The following B4GALNT2 variants were observed in gnomAD, a reference collection of about 807,000 sequenced individuals.
The protein encoded by B4GALNT2 is N-acetylneuraminylgalactosylglucosyl-glucoside beta-1,4-N- acetylgalactosaminyltransferase 2.
Under a neutral mutation model 51.1 loss-of-function variants are expected in B4GALNT2, and 42 were observed. The ratio of observed to expected loss-of-function variants is 0.82; its 90% confidence interval spans 0.64 to 1.06. The LOEUF (loss-of-function observed/expected upper bound fraction) is 1.06, where lower values mean the gene tolerates loss of function less well. B4GALNT2 is among the 50% of genes least tolerant of loss of function. B4GALNT2 has a pLI of 0.00. For synonymous variants in B4GALNT2, 253 were observed against 251.7 expected, an observed-to-expected ratio of 1.01 and a Z score of -0.05; for missense variants, 602 against 633.6, an observed-to-expected ratio of 0.95 and a Z score of 0.54.
the B4GALNT2 span, among the ~76,000 whole-genome samples, chr17:49,126,508 AAAAAC>A: frequency 6.6e-6 from 1 of 151,130 alleles, no homozygotes; most frequent in Non-Finnish European, 1.5e-5. Flanking sequence ...AAAAAAAAAA[AAAAAC>A]AAACTCCGTG....
chr17:49,156,499 C>A (rs1465652585), intron 4 of B4GALNT2, 67 bp from the exon 5 acceptor site: 1 of 1,558,638 alleles, frequency 6.4e-7, no homozygotes, highest in African/African-American at 1.4e-5. Flanking sequence ...ATGAGGTTGG[C>A]GAGAGCAGCG....
At position 49,136,647 on chromosome 17, in the gene B4GALNT2, A is replaced by C. The variant is rs550346902; in HGVS notation, c.14+3841A>C. Among the ~76,000 whole-genome samples the C allele has an allele frequency of 5.3e-5, 8 of 152,056 alleles. No individual in the cohort carries two copies. The South Asian group carries it at 8.3e-4, about 16-fold the overall frequency. On this transcript the variant is annotated intron_variant, in intron 1 of 10. Transcript: ENST00000393354. ...CTGCAACCTCCACCTCCTGGGTTCA[A>C]GTGATTCTTATATCTCAGCCTTCCA... is the stretch of plus-strand genomic sequence containing the variant.
At chr17:49,134,644 G>C (rs1216962427) in intron 1 of B4GALNT2, among the ~76,000 whole-genome samples, 1 of 152,156 alleles carries the variant, frequency 6.6e-6, no homozygotes, top group Non-Finnish European at 1.5e-5. Context: ...CTGGAGTGCA[G>C]TGGCGCAATC....
At chr17:49,125,601 G>C in the B4GALNT2 span, among the ~76,000 whole-genome samples, 1 of 150,752 alleles carries the variant, frequency 6.6e-6, no homozygotes, top group African/African-American at 2.4e-5. Flanking sequence ...CTGCCCGGCT[G>C]CCCGTCGTCT....
chr17:49,152,155 T>A (rs1041068558), intron 3 of B4GALNT2, among the ~76,000 whole-genome samples: 1 of 152,116 alleles, frequency 6.6e-6, no homozygotes, highest in Non-Finnish European at 1.5e-5. Flanking sequence ...GGCAGGAGGA[T>A]TGCTTGAGCC....
At chr17:49,168,633 T>C (rs763632003) in intron 9 of B4GALNT2, 48 bp from the exon 10 acceptor site, 3 of 1,548,094 alleles carry the variant, frequency 1.9e-6, no homozygotes, top group South Asian at 2.3e-5. Flanking sequence ...AGAGGCAGGA[T>C]GAATATTGAT....
chr17:49,135,767 A>T (rs1170918730), intron 1 of B4GALNT2, among the ~76,000 whole-genome samples: 1 of 151,292 alleles, frequency 6.6e-6, no homozygotes, highest in Non-Finnish European at 1.5e-5. Context: ...CCTGGCTCTA[A>T]AAAAGGAAAA....
upstream of B4GALNT2, among the ~76,000 whole-genome samples, chr17:49,127,652 C>T (rs985936186): frequency 7.2e-5 from 11 of 152,052 alleles, no homozygotes; most frequent in African/African-American, 2.4e-4. Flanking sequence ...AAAAAAATTT[C>T]CCTATTGGAT....
At chr17:49,149,991 A>C (rs62079772) in intron 3 of B4GALNT2, among the ~76,000 whole-genome samples, 1 of 151,664 alleles carries the variant, frequency 6.6e-6, no homozygotes, top group Non-Finnish European at 1.5e-5. Context: ...AGTATGTTCC[A>C]TATGTTCATT....
At position 49,176,228 on chromosome 17, in the gene B4GALNT2, C is replaced by A. The variant is rs1213353706; in HGVS notation, c.*6500C>A. On this transcript the variant is annotated 3_prime_UTR_variant, in exon 11 of 11. Coordinates refer to ENST00000393354, the MANE Select transcript of B4GALNT2 (RefSeq NM_001159387.2). ...GCCGACACCAGCTCGGTCTTGGAGA[C>A]CCTAACCCAGCGGCGCTAGAGGAAT... 6.6e-6 allele frequency: 1 copy of A among 152,338 alleles called. No individual in the cohort carries two copies. Among genetic ancestry groups the A allele is most frequent in the East Asian group, 1.9e-4 (1 of 5,188 alleles). The allele number at this position is 152,338 out of a possible 1,614,324, so 9.4% of individuals were successfully genotyped here.
chr17:49,148,144 A>C (rs2042713830), intron 3 of B4GALNT2, among the ~76,000 whole-genome samples: 1 of 151,876 alleles, frequency 6.6e-6, no homozygotes, highest in South Asian at 2.1e-4. Flanking sequence ...TACTAAAAAT[A>C]CAAAAATTAG....
At chr17:49,168,658 G>C (rs1598218595) in intron 9 of B4GALNT2, 23 bp from the exon 10 acceptor site, 1 of 1,607,480 alleles carries the variant, frequency 6.2e-7, no homozygotes, top group Non-Finnish European at 8.5e-7. Flanking sequence ...ACTCTAACAT[G>C]GATTTCTCTG....
At chr17:49,156,709 A>T in intron 5 of B4GALNT2, 106 bp downstream of exon 5, 1 of 1,305,364 alleles carries the variant, frequency 7.7e-7, no homozygotes, top group South Asian at 1.3e-5. Flanking sequence ...ATTCAAGGTC[A>T]GACATGAGCC....
At chr17:49,120,478 GTGTGTC>G in the B4GALNT2 span, among the ~76,000 whole-genome samples, 433 of 84,824 alleles carry the variant, frequency 5.1e-3, no homozygotes, top group South Asian at 0.01. Flanking sequence ...GTGTGTGTGT[GTGTGTC>G]TGTGTGTGTG....
chr17:49,143,693 T>C (rs1176688066), intron 3 of B4GALNT2, among the ~76,000 whole-genome samples: 1 of 152,158 alleles, frequency 6.6e-6, no homozygotes, highest in Non-Finnish European at 1.5e-5. Context: ...AAAAGGTAAG[T>C]TTATTTAGCT....
intron 3 of B4GALNT2, among the ~76,000 whole-genome samples, chr17:49,143,773 T>C (rs943991672): frequency 6.6e-6 from 1 of 152,222 alleles, no homozygotes; most frequent in African/African-American, 2.4e-5. Flanking sequence ...TGCTACATCA[T>C]AACATGGTGG....
intron 8 of B4GALNT2, 26 bp from the exon 9 acceptor site, chr17:49,166,088 C>T (rs2144340270): frequency 6.2e-7 from 1 of 1,607,278 alleles, no homozygotes; most frequent in East Asian, 2.2e-5. Context: ...TGGGCAACCA[C>T]TCCTTTAACC....
chr17:49,150,216 CCCGG>C (rs1450432695), intron 3 of B4GALNT2, among the ~76,000 whole-genome samples: 1 of 123,756 alleles, frequency 8.1e-6, no homozygotes, highest in Non-Finnish European at 1.7e-5. Context: ...CAGCCCCCCG[CCCGG>C]CCAGCCGCCC....
intron 5 of B4GALNT2, among the ~76,000 whole-genome samples, chr17:49,157,082 G>A (rs1305432433): frequency 1.3e-5 from 2 of 152,186 alleles, no homozygotes; most frequent in Admixed American, 1.3e-4. Context: ...TTACATGTTG[G>A]TCAGAGGTTG....
Sources: gnomAD v4.1 joint callset for allele counts (sites outside exome capture counted in the v4.1 genomes callset) on GRCh38, gnomAD v4.1.1 for gene constraint, MANE v1.5 for transcripts, NCBI Gene and HGNC (gene_info 2026-07-23, HGNC 2026-07-21) for gene names.